The following FSIP1 variants were observed in gnomAD, a reference collection of about 807,000 sequenced individuals.
FSIP1 encodes fibrous sheath interacting protein 1, also known as fibrous sheath-interacting protein 1.
Under a neutral mutation model 60.9 loss-of-function variants are expected in FSIP1, and 65 were observed. That is an observed-to-expected ratio of 1.07 (90% CI 0.87 to 1.31). The LOEUF (loss-of-function observed/expected upper bound fraction) is 1.31. Ranked by LOEUF, FSIP1 falls within the 40% of genes most tolerant of loss-of-function variation. FSIP1 has a pLI of 0.00. For missense variants in FSIP1, 675 were observed against 665.5 expected (o/e 1.01, Z -0.16); for synonymous variants, 209 against 221.2 (o/e 0.94, Z 0.49).
intron 10 of FSIP1, among the ~76,000 whole-genome samples, chr15:39,697,658 CAAG>C (rs983870807): frequency 3.9e-5 from 6 of 152,164 alleles, no homozygotes; most frequent in Non-Finnish European, 8.8e-5. Context: ...AATAATAAAA[CAAG>C]AAAGTTTCCA....
intron 10 of FSIP1, among the ~76,000 whole-genome samples, chr15:39,633,433 G>T (rs1566861218): frequency 6.6e-6 from 1 of 151,830 alleles, no homozygotes; most frequent in East Asian, 1.9e-4. Flanking sequence ...ACTTAATCTA[G>T]TTTTTTTTAT....
intron 10 of FSIP1, among the ~76,000 whole-genome samples, chr15:39,680,938 C>G (rs80243877): frequency 6.6e-6 from 1 of 152,212 alleles, no homozygotes; most frequent in South Asian, 2.1e-4. Context: ...AGTCATTCAG[C>G]TACTAGGGCC....
chr15:39,640,648 G>A lies in FSIP1; in HGVS notation c.1189-22403C>T, dbSNP rs550277575. Among the ~76,000 whole-genome samples, 3 of 151,004 alleles carry A rather than the reference G, an allele frequency of 2.0e-5. No homozygotes were observed. In the South Asian group the frequency reaches 6.3e-4, roughly 31 times the overall value. On this transcript the variant is annotated intron_variant, in intron 10 of 11. Coordinates refer to ENST00000350221, the MANE Select transcript of FSIP1 (RefSeq NM_152597.5). ...AAGGAGTTTGAGCAATGAATAATTC[G>A]CGAATTGGGCAGCCCCCAGAATCAC...
chr15:39,649,740 G>A (rs1375148523), intron 10 of FSIP1, among the ~76,000 whole-genome samples: 2 of 152,108 alleles, frequency 1.3e-5, no homozygotes, highest in East Asian at 1.9e-4. Context: ...GTTCCCTGTC[G>A]GATCAAGTCC....
intron 10 of FSIP1, among the ~76,000 whole-genome samples, chr15:39,619,079 C>A (rs1047005846): frequency 3.3e-5 from 5 of 152,116 alleles, no homozygotes; most frequent in Admixed American, 2.6e-4. Flanking sequence ...AAAACTTAAT[C>A]ATGAATTTCA....
At chr15:39,607,344 G>C (rs572208042) in intron 11 of FSIP1, among the ~76,000 whole-genome samples, 1 of 152,130 alleles carries the variant, frequency 6.6e-6, no homozygotes, top group Admixed American at 6.5e-5. Context: ...CTGCCCACCC[G>C]GATCATGACA....
rs906939658 is a variant in FSIP1 at position 39,627,382 on chromosome 15, C to G, written c.1189-9137G>C. Among the ~76,000 whole-genome samples the G allele has an allele frequency of 3.3e-5, 5 of 152,198 alleles. No homozygotes were observed. The East Asian group carries it at 9.6e-4, about 29-fold the overall frequency. ...CCTTCCCAGGATTTCTTGTCTATTG[C>G]TGATGAGGTGTGAGTTGCTAATAAG... On this transcript the variant is annotated intron_variant, in intron 10 of 11. Coordinates refer to ENST00000350221, the MANE Select transcript of FSIP1 (RefSeq NM_152597.5).
chr15:39,636,994 G>A (rs963033518), intron 10 of FSIP1, among the ~76,000 whole-genome samples: 1 of 152,106 alleles, frequency 6.6e-6, no homozygotes, highest in Non-Finnish European at 1.5e-5. Flanking sequence ...CTATGCAATT[G>A]TTGCATGGAA....
chr15:39,721,900 A>G (rs1895997206), intron 9 of FSIP1, among the ~76,000 whole-genome samples: 1 of 152,234 alleles, frequency 6.6e-6, no homozygotes, highest in South Asian at 2.1e-4. Flanking sequence ...GCTAAAAAAA[A>G]TCATTAAACC....
chr15:39,714,636 T>C (rs1243634481), intron 9 of FSIP1, among the ~76,000 whole-genome samples: 9 of 150,758 alleles, frequency 6.0e-5, no homozygotes, highest in Non-Finnish European at 1.2e-4. Flanking sequence ...CAGGAAAAAA[T>C]CCGAAGGACC....
intron 8 of FSIP1, 43 bp from the exon 9 acceptor site, chr15:39,726,790 T>G: frequency 6.3e-7 from 1 of 1,590,824 alleles, no homozygotes; most frequent in Non-Finnish European, 8.6e-7. Flanking sequence ...CAGGCTATAT[T>G]TTTGCCAAAA....
chr15:39,678,630 TA>T (rs1180280859), intron 10 of FSIP1, among the ~76,000 whole-genome samples: 1 of 152,218 alleles, frequency 6.6e-6, no homozygotes, highest in Non-Finnish European at 1.5e-5. Flanking sequence ...TTCCAAATTT[TA>T]CTTTCTAAAA....
chr15:39,669,415 A>C (rs539875017), intron 10 of FSIP1, among the ~76,000 whole-genome samples: 1 of 152,344 alleles, frequency 6.6e-6, no homozygotes, highest in African/African-American at 2.4e-5. Context: ...GTGCTTCTAA[A>C]GAACCCAAAC....
At chr15:39,651,830 G>C (rs1892884414) in intron 10 of FSIP1, among the ~76,000 whole-genome samples, 1 of 152,226 alleles carries the variant, frequency 6.6e-6, no homozygotes, top group Admixed American at 6.5e-5. Context: ...ATAAAATCGT[G>C]TGGTCTCTTT....
At chr15:39,601,055 A>C (rs957892209) in intron 11 of FSIP1, 129 bp from the exon 12 acceptor site, 1 of 654,810 alleles carries the variant, frequency 1.5e-6, no homozygotes, top group Middle Eastern at 3.9e-4. Context: ...CTCATTTAAT[A>C]CTTACTGAAC....
chr15:39,716,232 A>T (rs1307240282), intron 9 of FSIP1, among the ~76,000 whole-genome samples: 2 of 152,238 alleles, frequency 1.3e-5, no homozygotes, highest in Non-Finnish European at 2.9e-5. Flanking sequence ...AGTAGGACAC[A>T]TGGTAATCTG....
chr15:39,679,794 G>A (rs113420405), intron 10 of FSIP1, among the ~76,000 whole-genome samples: 5,700 of 152,084 alleles, frequency 0.037, 274 homozygotes, highest in African/African-American at 0.11. Context: ...CACAAACAAC[G>A]TCATCACAGG....
At chr15:39,690,152 G>T (rs758221700) in intron 10 of FSIP1, among the ~76,000 whole-genome samples, 12 of 152,340 alleles carry the variant, frequency 7.9e-5, no homozygotes, top group African/African-American at 2.6e-4. Context: ...TGGTGGGCAC[G>T]CTGGGTGGAC....
chr15:39,678,927 T>C (rs1371500242), intron 10 of FSIP1, among the ~76,000 whole-genome samples: 2 of 152,214 alleles, frequency 1.3e-5, no homozygotes, highest in African/African-American at 2.4e-5. Flanking sequence ...CTTTGGGTAT[T>C]GTTTTGTTAT....
Sources: allele counts gnomAD v4.1 joint callset (sites outside exome capture counted in the v4.1 genomes callset), GRCh38; gene constraint gnomAD v4.1.1; transcripts MANE v1.5; gene names NCBI Gene and HGNC (gene_info 2026-07-23, HGNC 2026-07-21).